The following AGL variants were observed in gnomAD, a reference collection of about 807,000 sequenced individuals.
AGL encodes amylo-alpha-1,6-glucosidase and 4-alpha-glucanotransferase.
AGL carries 128 observed loss-of-function variants against 199.3 expected under a neutral mutation model. That is an observed-to-expected ratio of 0.64 (90% CI 0.56 to 0.74). AGL has a LOEUF of 0.74. Among genes scored for constraint, AGL ranks in the 30% least tolerant of loss-of-function variants. The probability of loss-of-function intolerance (pLI) is 0.00; values close to 1 mark genes in which losing one functional copy is unlikely to be tolerated. For missense variants in AGL, 1,809 were observed against 1,820.8 expected (o/e 0.99, Z 0.12); for synonymous variants, 584 against 594.7 (o/e 0.98, Z 0.26).
intron 3 of AGL, 137 bp downstream of exon 3, chr1:99,861,850 T>C: frequency 4.9e-6 from 5 of 1,014,666 alleles, no homozygotes; most frequent in South Asian, 1.4e-5. Flanking sequence ...AATAGAATAT[T>C]CTTTGATTTC....
chr1:99,902,040 G>C (rs1339943335), intron 26 of AGL, among the ~76,000 whole-genome samples: 1 of 151,892 alleles, frequency 6.6e-6, no homozygotes, highest in Non-Finnish European at 1.5e-5. Flanking sequence ...TTATATTATA[G>C]AGTTTTGGTT....
chr1:99,886,739 T>A (rs1026053713), intron 20 of AGL, among the ~76,000 whole-genome samples: 6 of 152,358 alleles, frequency 3.9e-5, no homozygotes, highest in African/African-American at 1.4e-4. Flanking sequence ...TTACCCCATT[T>A]TGCTATTGTG....
At chr1:99,880,138 ATTTT>A in intron 13 of AGL, 92 bp downstream of exon 13, 1 of 1,533,784 alleles carries the variant, frequency 6.5e-7, no homozygotes. Flanking sequence ...ATGCTTAATA[ATTTT>A]TTAACACAGT....
chr1:99,855,528 CG>C (rs1451782755), intron 2 of AGL, among the ~76,000 whole-genome samples: 4 of 152,112 alleles, frequency 2.6e-5, no homozygotes, highest in African/African-American at 9.7e-5. Context: ...AGGCCGAGCA[CG>C]GTGGCTTACT....
In AGL at chr1:99,884,427, C is replaced by T. The variant is rs150441555; in HGVS notation, c.2522C>T (p.Ser841Phe). The T allele has an allele frequency of 2.0e-3, 3,284 of 1,612,178 alleles. 12 individuals are homozygous for T. The highest frequency in any genetic ancestry group is 0.019 in the Middle Eastern group (117 of 6,052). The change falls in exon 19 of 34, where the codon TCT becomes TTT. Residue 841 changes from serine (S) to phenylalanine (F), a missense_variant. Ser to Phe is a radical substitution (Grantham distance 155, BLOSUM62 -2). Transcript: ENST00000361915. ...YIQEIEFENL[S>F]PGSVIIFRVS... ...CAAGAAATAGAATTTGAAAACTTGT[C>T]TCCAGGAAGTGTTATTATATTCAGG...
chr1:99,866,260 A>G (rs1330686614), intron 5 of AGL, among the ~76,000 whole-genome samples: 5 of 152,250 alleles, frequency 3.3e-5, no homozygotes, highest in African/African-American at 1.2e-4. Flanking sequence ...AGCAGCTATA[A>G]CAGAAAAACA....
Position 99,902,763 on chromosome 1 carries a change from TC to T in AGL, c.3673del (p.Gln1225ArgfsTer2). 6.2e-7 allele frequency: 1 copy of T among 1,613,422 alleles called. No individual in the cohort carries two copies. The highest frequency in any genetic ancestry group is 8.5e-7 in the Non-Finnish European group (1 of 1,179,522). On this transcript the variant is annotated frameshift_variant, in exon 27 of 34. Coordinates refer to ENST00000361915, the MANE Select transcript of AGL (RefSeq NM_000642.3). LOFTEE classifies it high-confidence loss of function. ...TACAGTTCCGAGAAAGGAATGCTGG[TC>T]CCCAGATAGATCGAAACATGAAGGA... ...GIQFRERNAG[P>X]QIDRNMKDEG...
intron 29 of AGL, among the ~76,000 whole-genome samples, chr1:99,913,218 C>G (rs1422948732): frequency 6.8e-6 from 1 of 146,798 alleles, no homozygotes; most frequent in East Asian, 2.0e-4. Flanking sequence ...CAGACGCTGT[C>G]TTAAAAAAAA....
At position 99,898,910 on chromosome 1, in the gene AGL, T is replaced by C. The variant is rs149794224; in HGVS notation, c.3363-1726T>C. On this transcript the variant is annotated intron_variant, in intron 25 of 33. Coordinates refer to ENST00000361915, the MANE Select transcript of AGL (RefSeq NM_000642.3). ...TATAGAGGTAATCATGAATCAGAAG[T>C]CGTTTTATTAAAATGTACAAGATTG... 1.7e-3 allele frequency among the ~76,000 whole-genome samples: 261 copies of C among 152,300 alleles called. 3 individuals carry two copies. The highest frequency in any genetic ancestry group is 5.9e-3 in the African/African-American group (244 of 41,562).
At chr1:99,877,344 T>C (rs1252544971) in intron 11 of AGL, among the ~76,000 whole-genome samples, 1 of 152,090 alleles carries the variant, frequency 6.6e-6, no homozygotes, top group South Asian at 2.1e-4. Context: ...AGAACTATGG[T>C]TTTAAAAGGC....
chr1:99,881,616 G>A lies in AGL; in HGVS notation c.2233G>A (p.Ala745Thr), dbSNP rs1223653522. Residue 745 changes from alanine to threonine, a missense_variant, in exon 17 of 34, where the codon GCT (alanine) becomes ACT (threonine). Transcript: ENST00000361915. ...ACCTAGCATCCATCAGTCTGTTGTG[G>A]CTGTATCTAGAACTGCTTTCAGGAA... ...HSPSIHQSVV[A>T]VSRTAFRNPK... 13 of 1,613,962 alleles carry A rather than the reference G, an allele frequency of 8.1e-6. No individual in the cohort carries two copies. Among genetic ancestry groups the A allele is most frequent in the Non-Finnish European group, 1.1e-5 (13 of 1,179,942 alleles).
chr1:99,851,914 A>G (rs1189186665), intron 2 of AGL, among the ~76,000 whole-genome samples: 2 of 131,668 alleles, frequency 1.5e-5, no homozygotes, highest in African/African-American at 2.5e-5. Flanking sequence ...AATTTCACAC[A>G]TACAATGTGA....
chr1:99,865,163 C>CT (rs1557750188), intron 5 of AGL, among the ~76,000 whole-genome samples: 2 of 150,978 alleles, frequency 1.3e-5, no homozygotes, highest in East Asian at 3.9e-4. Flanking sequence ...CACAAAATAT[C>CT]AAAATATATA....
intron 29 of AGL, among the ~76,000 whole-genome samples, chr1:99,912,928 A>C (rs537113957): frequency 1.3e-5 from 2 of 152,234 alleles, no homozygotes; most frequent in Non-Finnish European, 2.9e-5. Flanking sequence ...ATTACAAGAT[A>C]TTTTATTAAA....
intron 27 of AGL, among the ~76,000 whole-genome samples, chr1:99,904,299 A>G (rs936979910): frequency 2.0e-5 from 3 of 152,118 alleles, no homozygotes; most frequent in Non-Finnish European, 4.4e-5. Flanking sequence ...ATTTTGTAAA[A>G]CATGCATTGT....
intron 25 of AGL, among the ~76,000 whole-genome samples, chr1:99,899,209 G>A (rs1653594645): frequency 6.6e-6 from 1 of 152,088 alleles, no homozygotes; most frequent in Admixed American, 6.5e-5. Context: ...GAAAAGATGG[G>A]CATTAAGCTT....
At chr1:99,854,185 A>C (rs1649214389) in intron 2 of AGL, among the ~76,000 whole-genome samples, 1 of 151,742 alleles carries the variant, frequency 6.6e-6, no homozygotes, top group Non-Finnish European at 1.5e-5. Context: ...CAAGAGCAAA[A>C]CTCTATCTTA....
chr1:99,870,899 C>T (rs746751448), intron 7 of AGL, 30 bp downstream of exon 7: 23 of 1,323,580 alleles, frequency 1.7e-5, no homozygotes, highest in Admixed American at 3.4e-5. Context: ...ATGTTCCTAT[C>T]GATTTTAAGA....
At position 99,913,510 on chromosome 1, in the gene AGL, CTT is replaced by C; in HGVS notation, c.3950-16_3950-15del. On this transcript the variant is annotated splice_polypyrimidine_tract_variant and intron_variant, in intron 29 of 33. Transcript: ENST00000361915. ...TTTTGAATGATTAAAACTACCATGT[CTT>C]ATGTCATTTTTCAGGAAAGGCTATA... 6.3e-7 allele frequency: 1 copy of C among 1,581,056 alleles called. No homozygotes were observed. Among genetic ancestry groups the C allele is most frequent in the Non-Finnish European group, 8.7e-7 (1 of 1,151,016 alleles).
Sources: allele counts gnomAD v4.1 joint callset (sites outside exome capture counted in the v4.1 genomes callset), GRCh38; gene constraint gnomAD v4.1.1; transcripts MANE v1.5; gene names NCBI Gene and HGNC (gene_info 2026-07-23, HGNC 2026-07-21).